Variants in MIA2 observed in about 807,000 individuals in gnomAD.
MIA2 encodes melanoma inhibitory activity protein 2.
A neutral mutation model predicts 167.8 loss-of-function variants in MIA2; 127 were observed. That is an observed-to-expected ratio of 0.76 (90% confidence interval 0.66 to 0.88). MIA2 has a LOEUF of 0.88. MIA2 is among the 40% of genes least tolerant of loss of function. The pLI is 0.00. For synonymous variants in MIA2, 552 were observed against 541.9 expected, an observed-to-expected ratio of 1.02 and a Z score of -0.26; for missense variants, 1,690 against 1,624.7, an observed-to-expected ratio of 1.04 and a Z score of -0.69.
At chr14:39,363,525 T>G (rs2074744063) in intron 23 of MIA2, among the ~76,000 whole-genome samples, 1 of 152,194 alleles carries the variant, frequency 6.6e-6, no homozygotes, top group Non-Finnish European at 1.5e-5. Context: ...CGAGACCCTG[T>G]CTCAAATAAA....
downstream of MIA2, among the ~76,000 whole-genome samples, chr14:39,354,819 T>C (rs1231919607): frequency 6.6e-6 from 1 of 152,184 alleles, no homozygotes; most frequent in Non-Finnish European, 1.5e-5. Context: ...AAATAGAGAA[T>C]CCTTTCCCCA....
intron 6 of MIA2, among the ~76,000 whole-genome samples, chr14:39,271,924 A>G (rs117769742): frequency 7.4e-4 from 113 of 152,302 alleles, no homozygotes; most frequent in Admixed American, 2.4e-3. Flanking sequence ...ACCAGAAGGC[A>G]GGAAAGTCCC....
chr14:39,271,758 T>C (rs1748920270), intron 6 of MIA2, among the ~76,000 whole-genome samples: 1 of 151,792 alleles, frequency 6.6e-6, no homozygotes, highest in Admixed American at 6.6e-5. Flanking sequence ...GGTGAAACTG[T>C]TGTGGTCTTT....
intron 16 of MIA2, among the ~76,000 whole-genome samples, chr14:39,303,751 AT>A (rs1161532122): frequency 6.6e-6 from 1 of 151,982 alleles, no homozygotes; most frequent in African/African-American, 2.4e-5. Flanking sequence ...TTCTGTACTC[AT>A]TTTTCGGATA....
intron 10 of MIA2, 126 bp downstream of exon 10, chr14:39,291,222 C>A: frequency 8.5e-6 from 6 of 707,732 alleles, no homozygotes; most frequent in Admixed American, 3.4e-5. Context: ...GATGTTAAAA[C>A]TTAAATAAGA....
chr14:39,319,889 A>G (rs2066115662), intron 23 of MIA2, among the ~76,000 whole-genome samples: 1 of 152,074 alleles, frequency 6.6e-6, no homozygotes, highest in African/African-American at 2.4e-5. Flanking sequence ...TTTTTTCATA[A>G]TAATTTTGGT....
At chr14:39,290,975 A>G (rs1214021960) in intron 9 of MIA2, 44 bp from the exon 10 acceptor site, 5 of 1,514,500 alleles carry the variant, frequency 3.3e-6, no homozygotes, top group South Asian at 1.2e-5. Context: ...AAGATTTAGA[A>G]TACAATTGGT....
Position 39,347,728 on chromosome 14 carries a change from C to T in MIA2, c.3794C>T (p.Ser1265Leu), listed in dbSNP as rs1567020547. The T allele has an allele frequency of 1.2e-6, 2 of 1,607,366 alleles. No individual in the cohort carries two copies. Among genetic ancestry groups the T allele is most frequent in the East Asian group, 2.3e-5 (1 of 44,418 alleles). The change falls in exon 27 of 29, where the codon TCA (serine) becomes TTA (leucine). Residue 1265 changes from serine to leucine, a missense_variant. Physicochemically the swap from Ser to Leu is moderately radical, Grantham distance 145. Coordinates refer to ENST00000640607, the MANE Select transcript of MIA2 (RefSeq NM_001329214.4). ...TTATGTCTAGATGGGTCAATGCCTT[C>T]AGAAATGGAATCCAGTAGAAATGAT... ...SLDKMDGSMP[S>L]EMESSRNDTK...
chr14:39,356,149 T>G (rs919418444), downstream of MIA2, among the ~76,000 whole-genome samples: 1 of 152,202 alleles, frequency 6.6e-6, no homozygotes, highest in African/African-American at 2.4e-5. Context: ...TCCTTGTACC[T>G]CTGGTAGAAT....
intron 6 of MIA2, among the ~76,000 whole-genome samples, chr14:39,264,715 T>G (rs1012922721): frequency 6.6e-6 from 1 of 152,214 alleles, no homozygotes; most frequent in African/African-American, 2.4e-5. Context: ...TTGATTTTCT[T>G]CCAAAAGAGT....
intron 25 of MIA2, among the ~76,000 whole-genome samples, chr14:39,327,867 C>T (rs1391297901): frequency 6.6e-6 from 1 of 152,168 alleles, no homozygotes; most frequent in Non-Finnish European, 1.5e-5. Context: ...TGCAGTCTGA[C>T]ATTGATGGGC....
chr14:39,243,000 G>GT (rs1695588937), intron 3 of MIA2, among the ~76,000 whole-genome samples: 1 of 151,848 alleles, frequency 6.6e-6, no homozygotes, highest in South Asian at 2.1e-4. Context: ...GTGCACGCCT[G>GT]TAATCCCAGC....
intron 6 of MIA2, among the ~76,000 whole-genome samples, chr14:39,273,565 A>G (rs984008015): frequency 7.9e-5 from 12 of 151,982 alleles, no homozygotes; most frequent in African/African-American, 1.2e-4. Context: ...GATATAGTCA[A>G]ATGCTTTTTC....
At chr14:39,266,803 G>A (rs2055756825) in intron 6 of MIA2, 2 of 960,456 alleles carry the variant, frequency 2.1e-6, no homozygotes, top group African/African-American at 1.8e-5. Flanking sequence ...GGAAAGCCTT[G>A]GGTGTCGGGG....
chr14:39,352,557 A>G (rs916900958), downstream of MIA2, among the ~76,000 whole-genome samples: 1 of 151,896 alleles, frequency 6.6e-6, no homozygotes, highest in Admixed American at 6.6e-5. Flanking sequence ...CCTCTTTGGT[A>G]TCTGTGGGGG....
At chr14:39,379,528 G>C (rs1483368373) in intron 23 of MIA2, among the ~76,000 whole-genome samples, 1 of 152,100 alleles carries the variant, frequency 6.6e-6, no homozygotes, top group Non-Finnish European at 1.5e-5. Context: ...CAGTGTGATT[G>C]CTTTTCAATA....
chr14:39,242,382 G>A (rs1342799956), intron 3 of MIA2, among the ~76,000 whole-genome samples: 1 of 150,334 alleles, frequency 6.7e-6, no homozygotes, highest in Non-Finnish European at 1.5e-5. Flanking sequence ...GAGTGCAATG[G>A]CATGATCTCT....
At chr14:39,299,448 C>T (rs112392178) in intron 13 of MIA2, among the ~76,000 whole-genome samples, 2,908 of 151,668 alleles carry the variant, frequency 0.019, 103 homozygotes, top group African/African-American at 0.067. Flanking sequence ...GCTGGGACTA[C>T]AGGCGCGTGC....
At chr14:39,253,250 A>G (rs2054657395) in intron 6 of MIA2, 79 bp downstream of exon 6, 2 of 1,543,348 alleles carry the variant, frequency 1.3e-6, no homozygotes, top group East Asian at 4.5e-5. Flanking sequence ...ATATGTTTGA[A>G]TGAATCCTCC....
Sources: allele counts gnomAD v4.1 joint callset (sites outside exome capture counted in the v4.1 genomes callset), GRCh38; gene constraint gnomAD v4.1.1; transcripts MANE v1.5; gene names NCBI Gene and HGNC (gene_info 2026-07-23, HGNC 2026-07-21).